The following OLFML2B variants were observed in gnomAD, a reference collection of about 807,000 sequenced individuals.
OLFML2B encodes olfactomedin like 2B, also known as olfactomedin-like protein 2B.
In OLFML2B, 57 loss-of-function variants were observed where a neutral mutation model predicts 74.9. That is an observed-to-expected ratio of 0.76 (90% confidence interval 0.61 to 0.95). The LOEUF is 0.95. OLFML2B is among the 40% of genes least tolerant of loss of function. The pLI, the probability that OLFML2B is intolerant of heterozygous loss-of-function variation, is 0.00. For synonymous variants in OLFML2B, 388 were observed against 405.8 expected (o/e 0.96, Z 0.53); for missense variants, 986 against 970.6 (o/e 1.02, Z -0.21).
At position 161,984,065 on chromosome 1, in the gene OLFML2B, G is replaced by T. The variant is rs1571278915; in HGVS notation, c.1863C>A (p.Asp621Glu). 6.2e-7 allele frequency: 1 copy of T among 1,614,086 alleles called. No homozygotes were observed. Among genetic ancestry groups the T allele is most frequent in the East Asian group, 2.2e-5 (1 of 44,874 alleles). The stretch of plus-strand genomic sequence containing the variant: ...ATAGGCCATTCTCGTCCACAGCAAA[G>T]TCCACGTCTGAGTGGCCCTGCCATC... ...PWRWQGHSDVDFAVDENGLWL... is the reference protein window; with the variant it reads ...PWRWQGHSDVEFAVDENGLWL... The change falls in exon 8 of 8, where the codon GAC (aspartate) becomes GAA (glutamate). Residue 621 changes from aspartate (D) to glutamate (E), a missense_variant. Coordinates refer to ENST00000294794, the MANE Select transcript of OLFML2B (RefSeq NM_015441.3).
intron 4 of OLFML2B, 151 bp downstream of exon 4, chr1:162,006,146 A>T (rs1226349218): frequency 1.6e-6 from 1 of 640,898 alleles, no homozygotes; most frequent in East Asian, 3.1e-5. Flanking sequence ...ACTGCTCATC[A>T]AATCTACAGA....
At chr1:162,013,891 AACACACACACACACACACACAC>A (rs59665350) in intron 3 of OLFML2B, among the ~76,000 whole-genome samples, 47 of 143,248 alleles carry the variant, frequency 3.3e-4, no homozygotes, top group Non-Finnish European at 5.7e-4. Context: ...AAAAAAGCCC[AACACACACACACACACACACAC>A]ACACACACAC....
At chr1:161,994,575 G>C (rs944967417) in intron 6 of OLFML2B, among the ~76,000 whole-genome samples, 1 of 152,166 alleles carries the variant, frequency 6.6e-6, no homozygotes, top group African/African-American at 2.4e-5. Flanking sequence ...CAGAGCCTTG[G>C]CCATGTGGCA....
chr1:161,991,307 C>A (rs12044824), intron 6 of OLFML2B, among the ~76,000 whole-genome samples: 8,206 of 152,270 alleles, frequency 0.054, 380 homozygotes, highest in African/African-American at 0.12. Context: ...ACTTGAAAGT[C>A]AAAAAGACTC....
intron 4 of OLFML2B, among the ~76,000 whole-genome samples, chr1:162,003,283 G>C (rs911210475): frequency 3.9e-5 from 6 of 152,230 alleles, no homozygotes; most frequent in African/African-American, 1.4e-4. Context: ...CAGGCTGTCA[G>C]GAGACCCTGG....
chr1:161,984,603 A>G (rs916875403), intron 7 of OLFML2B, among the ~76,000 whole-genome samples: 2 of 152,074 alleles, frequency 1.3e-5, no homozygotes, highest in Admixed American at 6.6e-5. Context: ...CCAGGAGCTC[A>G]GGAGGAGGGG....
chr1:161,984,253 GC>G lies in OLFML2B; in HGVS notation c.1674del (p.Lys558AsnfsTer33). The stretch of plus-strand genomic sequence containing the variant: ...CCTGTGCCGATCCAGCTGTACGGGA[GC>G]TTGTAGGAATTGCTCCAGCGACCTG... The part of the protein sequence containing the change: ...FKQGRWSNSY[K>X]LPYSWIGTGH... On this transcript the variant is annotated frameshift_variant, in exon 8 of 8. Transcript: ENST00000294794. LOFTEE classifies it high-confidence loss of function. The G allele has an allele frequency of 6.6e-7, 1 of 1,522,502 alleles. No homozygotes were observed. Among genetic ancestry groups the G allele is most frequent in the Non-Finnish European group, 8.8e-7 (1 of 1,136,344 alleles). 94.3% of individuals were successfully genotyped at this position (1,522,502 alleles called of 1,614,324 possible).
intron 3 of OLFML2B, among the ~76,000 whole-genome samples, chr1:162,009,247 C>T (rs1571304558): frequency 6.6e-6 from 1 of 152,318 alleles, no homozygotes; most frequent in East Asian, 1.9e-4. Flanking sequence ...TCAGCCAGGT[C>T]GATAGGCTTC....
intron 6 of OLFML2B, among the ~76,000 whole-genome samples, chr1:161,989,780 G>T (rs370561657): frequency 4.6e-5 from 7 of 152,196 alleles, no homozygotes; most frequent in South Asian, 4.1e-4. Flanking sequence ...TGCATATAGG[G>T]TTTGCTATGC....
intron 4 of OLFML2B, among the ~76,000 whole-genome samples, chr1:162,004,371 A>G (rs1690162182): frequency 6.6e-6 from 1 of 152,214 alleles, no homozygotes; most frequent in South Asian, 2.1e-4. Flanking sequence ...CAAAAATGAG[A>G]ATCAAAATAA....
rs1380604496 is a variant in OLFML2B at position 162,000,165 on chromosome 1, G to A, written c.897C>T (p.Ile299=). ...PASQPTVIRG[I]TYYKAKVSEE... is the part of the protein sequence containing the mutation. ...CAGAGACCTTGGCTTTATAGTAGGT[G>A]ATGCCCCGGATGACAGTGGGCTGGG... Residue 299 remains isoleucine, a synonymous_variant, in exon 5 of 8, where the codon ATC becomes ATT. Coordinates refer to ENST00000294794, the MANE Select transcript of OLFML2B (RefSeq NM_015441.3). The A allele has an allele frequency of 6.2e-7, 1 of 1,612,922 alleles. No individual in the cohort carries two copies. Among genetic ancestry groups the A allele is most frequent in the East Asian group, 2.2e-5 (1 of 44,866 alleles).
chr1:162,023,070 T>C (rs562179649), intron 1 of OLFML2B, among the ~76,000 whole-genome samples, 187 bp downstream of exon 1: 3 of 152,192 alleles, frequency 2.0e-5, no homozygotes, highest in Non-Finnish European at 4.4e-5. Flanking sequence ...TTAAGCACCC[T>C]ATGATTTTGC....
intron 2 of OLFML2B, 49 bp downstream of exon 2, chr1:162,019,868 GAT>G: frequency 6.3e-7 from 1 of 1,591,010 alleles, no homozygotes; most frequent in Non-Finnish European, 8.6e-7. Context: ...CAGACTTGTG[GAT>G]CTCAAAAGTG....
intron 2 of OLFML2B, among the ~76,000 whole-genome samples, chr1:162,017,868 A>T (rs1366462024): frequency 6.6e-6 from 1 of 152,228 alleles, no homozygotes; most frequent in East Asian, 1.9e-4. Flanking sequence ...AATAGCAAAG[A>T]CATGGAATCA....
chr1:162,014,964 T>A (rs924692203), intron 3 of OLFML2B, among the ~76,000 whole-genome samples: 8 of 151,964 alleles, frequency 5.3e-5, no homozygotes, highest in African/African-American at 1.9e-4. Context: ...ACTTACGGGG[T>A]TGATTAGAAA....
rs111294712 is a variant in OLFML2B, at chr1:162,021,931, T to C, written c.174+1326A>G. Among the ~76,000 whole-genome samples, 741 of 152,254 alleles carry C rather than the reference T, an allele frequency of 4.9e-3. 5 individuals are homozygous for C. Among genetic ancestry groups the C allele is most frequent in the African/African-American group, 0.017 (704 of 41,540 alleles). ...GGAGGTAATGGGGGGGCAGAGGGCA[T>C]ACATTAGCATCATTATTAAAGGAAG... On this transcript the variant is annotated intron_variant, in intron 1 of 7. Coordinates refer to ENST00000294794, the MANE Select transcript of OLFML2B (RefSeq NM_015441.3).
chr1:161,997,825 C>T lies in OLFML2B; in HGVS notation c.1474G>A (p.Gly492Arg), dbSNP rs1273767331. 1.2e-6 allele frequency: 2 copies of T among 1,610,762 alleles called. No individual in the cohort carries two copies. Among genetic ancestry groups the T allele is most frequent in the Non-Finnish European group, 1.7e-6 (2 of 1,178,062 alleles). Residue 492 changes from glycine (G) to arginine (R), a missense_variant and splice_region_variant, in exon 6 of 8, where the codon GGA becomes AGA. Transcript: ENST00000294794. The part of the protein sequence containing the change: ...EEEDDIRNVI[G>R]RCKDTLSTIT... Reference sequence around the variant, plus strand: ...CCAAGGCCAGGTACAATGAACTTACCTATGACATTCCGGATGTCATCTTCT... The same window carrying T: ...CCAAGGCCAGGTACAATGAACTTACTTATGACATTCCGGATGTCATCTTCT...
chr1:162,007,808 T>C (rs1238647203), intron 3 of OLFML2B, among the ~76,000 whole-genome samples: 1 of 152,138 alleles, frequency 6.6e-6, no homozygotes, highest in Non-Finnish European at 1.5e-5. Context: ...TAGGTGCTTG[T>C]TAAATGAACC....
At chr1:162,014,135 G>C (rs1690468460) in intron 3 of OLFML2B, among the ~76,000 whole-genome samples, 1 of 152,108 alleles carries the variant, frequency 6.6e-6, no homozygotes, top group Non-Finnish European at 1.5e-5. Context: ...AAATTGGTCT[G>C]TTTCTTGAGC....
Sources: gnomAD v4.1 joint callset for allele counts (sites outside exome capture counted in the v4.1 genomes callset) on GRCh38, gnomAD v4.1.1 for gene constraint, MANE v1.5 for transcripts, NCBI Gene and HGNC (gene_info 2026-07-23, HGNC 2026-07-21) for gene names.